CSMD1: variants seen among roughly 807,000 people sequenced by gnomAD.
The protein encoded by CSMD1 is CUB and Sushi multiple domains 1.
A neutral mutation model predicts 417.5 loss-of-function variants in CSMD1; 213 were observed. That is an observed-to-expected ratio of 0.51 (90% CI 0.46 to 0.57). The LOEUF is 0.57. CSMD1 is among the 20% of genes least tolerant of loss of function. CSMD1 has a pLI of 0.00. For synonymous variants in CSMD1, 2,862 were observed against 1,736.8 expected, an observed-to-expected ratio of 1.65 and a Z score of -16.11; for missense variants, 6,923 against 4,529.7, an observed-to-expected ratio of 1.53 and a Z score of -15.17.
At chr8:4,499,348 G>A (rs1419802508) in intron 2 of CSMD1, among the ~76,000 whole-genome samples, 1 of 152,164 alleles carries the variant, frequency 6.6e-6, no homozygotes, top group Non-Finnish European at 1.5e-5. Flanking sequence ...GGAAGTGTGA[G>A]CTCTTCCTGG....
chr8:3,363,062 G>A (rs1359838701), intron 20 of CSMD1, among the ~76,000 whole-genome samples: 1 of 152,030 alleles, frequency 6.6e-6, no homozygotes, highest in Non-Finnish European at 1.5e-5. Flanking sequence ...CTTTCCCCTC[G>A]GTTTCAGGGG....
chr8:4,219,581 T>C (rs1436019632), intron 3 of CSMD1, among the ~76,000 whole-genome samples: 1 of 152,090 alleles, frequency 6.6e-6, no homozygotes, highest in African/African-American at 2.4e-5. Context: ...AAATTATTGG[T>C]CTCAATTTCT....
chr8:4,560,608 C>T lies in CSMD1; in HGVS notation c.302+76734G>A, dbSNP rs137929680. ...GGTATGGCAGAGCCTCCCTGAAAGC[C>T]TTCTCCCACGGTTTAGTCCTCATGT... On this transcript the variant is annotated intron_variant, in intron 2 of 69. Transcript: ENST00000635120. Among the ~76,000 whole-genome samples, 521 of 152,276 alleles carry T rather than the reference C, an allele frequency of 3.4e-3. 1 individual carries two copies. The highest frequency in any genetic ancestry group is 0.012 in the African/African-American group (498 of 41,550).
rs544204876 is a variant in CSMD1 at position 3,844,727 on chromosome 8, A to G, written c.819-90685T>C. ...TTTTATTTCTGATAAACTGAAATAC[A>G]GATCTTCCTTGACAATGAGGTCATG... On this transcript the variant is annotated intron_variant, in intron 5 of 69. Transcript: ENST00000635120. Among the ~76,000 whole-genome samples the G allele has an allele frequency of 1.1e-3, 166 of 152,322 alleles. 1 individual carries two copies. Among genetic ancestry groups the G allele is most frequent in the African/African-American group, 3.5e-3 (145 of 41,578 alleles).
At chr8:4,165,344 C>G (rs1584942299) in intron 3 of CSMD1, among the ~76,000 whole-genome samples, 1 of 152,210 alleles carries the variant, frequency 6.6e-6, no homozygotes, top group Non-Finnish European at 1.5e-5. Context: ...ACGTGGTGTC[C>G]CACAAATTCC....
intron 3 of CSMD1, among the ~76,000 whole-genome samples, chr8:4,139,545 AC>A (rs1803651397): frequency 6.6e-6 from 1 of 151,112 alleles, no homozygotes; most frequent in South Asian, 2.1e-4. Context: ...CTCATCCTGC[AC>A]GACGATCTGC....
chr8:3,115,347 G>A (rs556546798), intron 42 of CSMD1, among the ~76,000 whole-genome samples: 109 of 152,072 alleles, frequency 7.2e-4, no homozygotes, highest in African/African-American at 2.5e-3. Flanking sequence ...GATTACAGGT[G>A]CCTGCCACCA....
intron 2 of CSMD1, among the ~76,000 whole-genome samples, chr8:4,458,654 C>T (rs1289311853): frequency 1.3e-5 from 2 of 152,154 alleles, no homozygotes; most frequent in South Asian, 4.1e-4. Flanking sequence ...ATTTTGTATT[C>T]TCAAAGGTCC....
chr8:4,974,799 T>G (rs1193240002), intron 1 of CSMD1, among the ~76,000 whole-genome samples: 1 of 152,146 alleles, frequency 6.6e-6, no homozygotes, highest in Non-Finnish European at 1.5e-5. Flanking sequence ...AAATATGGGA[T>G]GATAAAATAC....
intron 1 of CSMD1, among the ~76,000 whole-genome samples, chr8:4,810,882 T>A (rs561562375): frequency 6.6e-6 from 1 of 152,308 alleles, no homozygotes; most frequent in East Asian, 1.9e-4. Flanking sequence ...GTAACAGCCT[T>A]GTGTCTGAAT....
At chr8:3,977,507 T>G (rs372205002) in intron 5 of CSMD1, among the ~76,000 whole-genome samples, 1 of 152,222 alleles carries the variant, frequency 6.6e-6, no homozygotes, top group Non-Finnish European at 1.5e-5. Flanking sequence ...TCACAGGTAA[T>G]TTGCTTTGAC....
chr8:3,784,457 T>C (rs1293020001), intron 5 of CSMD1, among the ~76,000 whole-genome samples: 5 of 152,224 alleles, frequency 3.3e-5, no homozygotes, highest in Admixed American at 3.3e-4. Flanking sequence ...GATATATAAG[T>C]TCCTGATTTT....
intron 3 of CSMD1, among the ~76,000 whole-genome samples, chr8:4,373,327 C>T (rs978896052): frequency 3.3e-5 from 5 of 152,100 alleles, no homozygotes; most frequent in African/African-American, 7.2e-5. Context: ...AGAAAGTATG[C>T]GACATAGGAT....
At chr8:4,722,513 G>A (rs1003467570) in intron 1 of CSMD1, among the ~76,000 whole-genome samples, 1 of 152,098 alleles carries the variant, frequency 6.6e-6, no homozygotes, top group Middle Eastern at 3.4e-3. Flanking sequence ...GAGGATTGCT[G>A]ATTCTTCAGG....
chr8:3,325,429 A>G (rs1806461509), intron 23 of CSMD1, among the ~76,000 whole-genome samples: 1 of 152,154 alleles, frequency 6.6e-6, no homozygotes, highest in Non-Finnish European at 1.5e-5. Flanking sequence ...GGATCCTCAT[A>G]ATTACATTAT....
At chr8:3,495,623 C>T (rs953521229) in intron 10 of CSMD1, among the ~76,000 whole-genome samples, 2 of 152,180 alleles carry the variant, frequency 1.3e-5, no homozygotes, top group South Asian at 4.1e-4. Flanking sequence ...GCATAGACAG[C>T]TTTTAGTTTG....
chr8:3,964,542 C>T (rs1471625494), intron 5 of CSMD1, among the ~76,000 whole-genome samples: 2 of 152,206 alleles, frequency 1.3e-5, no homozygotes, highest in African/African-American at 2.4e-5. Context: ...TGAGCACCAC[C>T]AGGAAATAAA....
At chr8:4,732,341 C>CTGCG (rs1486075698) in intron 1 of CSMD1, among the ~76,000 whole-genome samples, 1 of 73,330 alleles carries the variant, frequency 1.4e-5, no homozygotes. Context: ...TAAATTTCTT[C>CTGCG]TGCGTGTGTG....
intron 1 of CSMD1, among the ~76,000 whole-genome samples, chr8:4,716,980 C>T (rs1392809514): frequency 6.6e-6 from 1 of 152,072 alleles, no homozygotes; most frequent in African/African-American, 2.4e-5. Flanking sequence ...CAACAAAATC[C>T]AAGTCTCCTG....
Sources: gnomAD v4.1 joint callset for allele counts (sites outside exome capture counted in the v4.1 genomes callset) on GRCh38, gnomAD v4.1.1 for gene constraint, MANE v1.5 for transcripts, NCBI Gene and HGNC (gene_info 2026-07-23, HGNC 2026-07-21) for gene names.